BEGAIN: variants seen among roughly 807,000 people sequenced by gnomAD.
The protein encoded by BEGAIN is brain-enriched guanylate kinase-associated protein.
BEGAIN carries 19 observed loss-of-function variants against 35.8 expected under a neutral mutation model. The observed-to-expected ratio is 0.53, with a 90% CI of 0.37 to 0.78. The LOEUF is 0.78. Among genes scored for constraint, BEGAIN ranks in the 30% least tolerant of loss-of-function variants. The pLI is 0.00. For synonymous variants in BEGAIN, 462 were observed against 388.6 expected, an observed-to-expected ratio of 1.19 and a Z score of -2.22; for missense variants, 795 against 853.6, an observed-to-expected ratio of 0.93 and a Z score of 0.85.
chr14:100,578,669 A>G (rs1192309981), intron 1 of BEGAIN, among the ~76,000 whole-genome samples: 1 of 151,968 alleles, frequency 6.6e-6, no homozygotes, highest in Admixed American at 6.5e-5. Context: ...CCATTCACCA[A>G]CCTCCTGCTT....
intron 3 of BEGAIN, chr14:100,545,338 G>T: frequency 3.8e-6 from 5 of 1,320,334 alleles, no homozygotes; most frequent in Admixed American, 6.8e-5. Flanking sequence ...GGGAAGGCTT[G>T]TTATTCACAA....
chr14:100,537,784 G>T lies in BEGAIN; in HGVS notation c.*185C>A. Reference sequence around the variant, plus strand: ...CACGGGCCGGGGCCGGGTGGACACCGTGGTGTGGGGGACCCTCCCCTCAGG... The same window carrying T: ...CACGGGCCGGGGCCGGGTGGACACCTTGGTGTGGGGGACCCTCCCCTCAGG... On this transcript the variant is annotated 3_prime_UTR_variant, in exon 7 of 7. Coordinates refer to ENST00000554140, the MANE Select transcript of BEGAIN (RefSeq NM_001385089.1). The T allele has an allele frequency of 2.2e-6, 2 of 897,378 alleles. No homozygotes were observed. Among genetic ancestry groups the T allele is most frequent in the Non-Finnish European group, 3.2e-6 (2 of 632,582 alleles). The allele number at this position is 897,378 out of a possible 1,614,324, so 55.6% of individuals were successfully genotyped here.
chr14:100,563,547 C>T lies in BEGAIN; in HGVS notation c.71+4364G>A, dbSNP rs7152558. Among the ~76,000 whole-genome samples the T allele has an allele frequency of 0.018, 2,788 of 152,328 alleles. 90 individuals are homozygous for T. Among genetic ancestry groups the T allele is most frequent in the African/African-American group, 0.064 (2,677 of 41,542 alleles). ...GGGAAAAACACCTTGGTAGAAAATG[C>T]GCACGGCCTTCGCCGGTGAGGAAAC... On this transcript the variant is annotated intron_variant, in intron 2 of 6. Transcript: ENST00000554140. The surrounding 1 kb of genome is among the most constrained non-coding windows in gnomAD (Gnocchi z 4.2).
At chr14:100,541,668 C>T (rs1232051922) in intron 5 of BEGAIN, among the ~76,000 whole-genome samples, 2 of 152,234 alleles carry the variant, frequency 1.3e-5, no homozygotes, top group African/African-American at 4.8e-5. Context: ...CCAGCCAGCC[C>T]AGGTCTGCCA....
chr14:100,571,902 C>G (rs1219871430), intron 1 of BEGAIN, among the ~76,000 whole-genome samples: 1 of 152,196 alleles, frequency 6.6e-6, no homozygotes, highest in Non-Finnish European at 1.5e-5. Context: ...CCCTGACTAC[C>G]CATCTAAAGC....
rs1361219320 is a variant in BEGAIN, at chr14:100,573,667, T to G, written c.43-5728A>C. Among the ~76,000 whole-genome samples, 1 of 151,970 alleles carries G rather than the reference T, an allele frequency of 6.6e-6. No homozygotes were observed. The highest frequency in any genetic ancestry group is 2.4e-5 in the African/African-American group (1 of 41,356). On this transcript the variant is annotated intron_variant, in intron 1 of 6. Transcript: ENST00000554140. This position sits in a 1 kb window ranked among gnomAD's most constrained non-coding sequence, Gnocchi z 4.2. ...AGGTGACAGAAGCATTGTGACCTCA[T>G]GTTGAGCAGGGGAACATGGGGAATT...
intron 2 of BEGAIN, 37 bp from the exon 3 acceptor site, chr14:100,546,699 G>A (rs1595115520): frequency 6.5e-7 from 1 of 1,531,642 alleles, no homozygotes; most frequent in Non-Finnish European, 8.7e-7. Context: ...GGGCCGCGGC[G>A]CTGAGCGGGG....
rs117538216 is a variant in BEGAIN at position 100,566,494 on chromosome 14, C to A, written c.71+1417G>T. The stretch of plus-strand genomic sequence containing the variant: ...TGCTAAGTTTTTCCTCAAGTCTCAG[C>A]TGAGTTAAGCAGTGTTTCCTCCCCC... On this transcript the variant is annotated intron_variant, in intron 2 of 6. Transcript: ENST00000554140. Among the ~76,000 whole-genome samples, 395 of 152,318 alleles carry A rather than the reference C, an allele frequency of 2.6e-3. 8 individuals are homozygous for A. In the East Asian group the frequency reaches 0.031, roughly 12 times the overall value.
At chr14:100,546,763 G>GGCGCGC in intron 2 of BEGAIN, 101 bp from the exon 3 acceptor site, 1 of 746,476 alleles carries the variant, frequency 1.3e-6, no homozygotes, top group Non-Finnish European at 1.9e-6. Context: ...CGCGAGTACC[G>GGCGCGC]GCGCGCGCGC....
chr14:100,548,583 T>C (rs1457549239), intron 2 of BEGAIN: 1 of 152,488 alleles, frequency 6.6e-6, no homozygotes. Context: ...TAGCTCACTG[T>C]GCCCCCTCAC....
intron 1 of BEGAIN, among the ~76,000 whole-genome samples, chr14:100,572,258 G>A (rs542230288): frequency 1.1e-4 from 16 of 152,176 alleles, no homozygotes; most frequent in Non-Finnish European, 1.6e-4. Context: ...CCCCATAATG[G>A]AGCACATAAA....
intron 2 of BEGAIN, among the ~76,000 whole-genome samples, chr14:100,552,101 C>T (rs1358102895): frequency 6.6e-6 from 1 of 152,196 alleles, no homozygotes; most frequent in Non-Finnish European, 1.5e-5. Flanking sequence ...GACCCCACCC[C>T]AACAGGTCCC....
intron 2 of BEGAIN, among the ~76,000 whole-genome samples, chr14:100,550,149 C>T (rs2033038092): frequency 6.6e-6 from 1 of 152,206 alleles, no homozygotes; most frequent in African/African-American, 2.4e-5. Context: ...TGCCCAGCTC[C>T]CCTGGCACAT....
chr14:100,551,622 T>C (rs1448810179), intron 2 of BEGAIN, among the ~76,000 whole-genome samples: 1 of 152,262 alleles, frequency 6.6e-6, no homozygotes, highest in African/African-American at 2.4e-5. Context: ...ATTTTTCTTT[T>C]ATACTTTTCT....
chr14:100,545,008 A>G lies in BEGAIN; in HGVS notation c.292T>C (p.Tyr98His). The G allele has an allele frequency of 6.2e-7, 1 of 1,612,502 alleles. No homozygotes were observed. The highest frequency in any genetic ancestry group is 1.7e-5 in the Admixed American group (1 of 60,022). Residue 98 changes from tyrosine (Y) to histidine (H), a missense_variant, in exon 4 of 7, where the codon TAC (tyrosine) becomes CAC (histidine). Tyr to His is a moderately conservative substitution (Grantham distance 83). This residue lies in a region of BEGAIN where 73 missense variants were observed against 143.2 expected (regional missense o/e 0.51). Transcript: ENST00000554140. ...CTGCGTGGCGGCCTCACCATGCGGT[A>G]CAGCTTGTCCTCCAGCTCCTGGTTG... ...RINQELEDKL[Y>H]RMGQHYEEEK... is the part of the protein sequence containing the mutation.
rs1365004566 is a variant in BEGAIN at position 100,567,841 on chromosome 14, C to T, written c.71+70G>A. ...TGCGCTCGGGTGGAGCCCCCTTCCC[C>T]CGCCTTCCCCAGCGCCCTCACCCCC... is the stretch of plus-strand genomic sequence containing the variant. On this transcript the variant is annotated intron_variant, in intron 2 of 6. Transcript: ENST00000554140. The surrounding 1 kb of genome is among the most constrained non-coding windows in gnomAD (Gnocchi z 5.1). 2.8e-6 allele frequency: 4 copies of T among 1,423,906 alleles called. No individual in the cohort carries two copies. The highest frequency in any genetic ancestry group is 6.6e-5 in the East Asian group (2 of 30,436). 88.2% of individuals were successfully genotyped at this position (1,423,906 alleles called of 1,614,324 possible).
At chr14:100,551,457 A>G (rs2033187435) in intron 2 of BEGAIN, among the ~76,000 whole-genome samples, 1 of 152,212 alleles carries the variant, frequency 6.6e-6, no homozygotes, top group African/African-American at 2.4e-5. Flanking sequence ...GCTTTCAAAC[A>G]GTGCTTCAAG....
At chr14:100,544,219 C>T (rs556578606) in intron 4 of BEGAIN, among the ~76,000 whole-genome samples, 5 of 152,276 alleles carry the variant, frequency 3.3e-5, no homozygotes, top group African/African-American at 9.6e-5. Context: ...GAGGTGACAG[C>T]GTCCTGCCTC....
chr14:100,579,923 C>T (rs576912355), intron 1 of BEGAIN, among the ~76,000 whole-genome samples: 6 of 152,358 alleles, frequency 3.9e-5, no homozygotes, highest in Non-Finnish European at 5.9e-5. Flanking sequence ...CTCACTTGGA[C>T]ATCTGCGATC....
Sources: allele counts gnomAD v4.1 joint callset (sites outside exome capture counted in the v4.1 genomes callset), GRCh38; gene constraint gnomAD v4.1.1; regional missense constraint gnomAD v4.1.1; non-coding constraint Gnocchi (gnomAD v3.1); transcripts MANE v1.5; gene names NCBI Gene and HGNC (gene_info 2026-07-23, HGNC 2026-07-21).